SMAD5: variants seen among roughly 807,000 people sequenced by gnomAD.
The protein encoded by SMAD5 is MAD, mothers against decapentaplegic homolog 5.
Under a neutral mutation model 43.1 loss-of-function variants are expected in SMAD5, and 9 were observed. The ratio of observed to expected loss-of-function variants is 0.21; its 90% confidence interval spans 0.13 to 0.36. The LOEUF is 0.36. Ranked by LOEUF, SMAD5 falls within the 10% of genes least tolerant of loss-of-function variation. The pLI is 1.00. For synonymous variants in SMAD5, 190 were observed against 192.4 expected, an observed-to-expected ratio of 0.99 and a Z score of 0.10; for missense variants, 348 against 574.0, an observed-to-expected ratio of 0.61 and a Z score of 4.02.
chr5:136,162,191 G>A (rs1466557351), intron 4 of SMAD5, among the ~76,000 whole-genome samples: 1 of 152,190 alleles, frequency 6.6e-6, no homozygotes, highest in East Asian at 1.9e-4. Context: ...CACTGGGACT[G>A]TTTAGACATG....
Position 136,151,734 on chromosome 5 carries a change from TGAA to T in SMAD5, c.-169-1857_-169-1855del, listed in dbSNP as rs574733350. On this transcript the variant is annotated intron_variant, in intron 2 of 7. Transcript: ENST00000545279. ...GCCCCCCATTATATTCTAGTGTTCA[TGAA>T]TCAGTCAGCCAGGCCTGTCTCTTAT... 3.4e-3 allele frequency among the ~76,000 whole-genome samples: 516 copies of T among 152,180 alleles called. 7 individuals carry two copies. Among genetic ancestry groups the T allele is most frequent in the African/African-American group, 0.012 (480 of 41,526 alleles).
chr5:136,164,866 G>C (rs938213902), intron 5 of SMAD5, among the ~76,000 whole-genome samples: 5 of 152,128 alleles, frequency 3.3e-5, no homozygotes, highest in Non-Finnish European at 7.4e-5. Context: ...TATTAGGTCA[G>C]TGGTTCCTTT....
chr5:136,176,833 G>A (rs118088013), intron 7 of SMAD5, among the ~76,000 whole-genome samples: 1 of 152,002 alleles, frequency 6.6e-6, no homozygotes, highest in Non-Finnish European at 1.5e-5. Flanking sequence ...AGAGAAAATG[G>A]TATTTATAAA....
At chr5:136,165,055 A>G (rs1210510685) in intron 5 of SMAD5, among the ~76,000 whole-genome samples, 2 of 152,332 alleles carry the variant, frequency 1.3e-5, no homozygotes, top group African/African-American at 4.8e-5. Context: ...GTTGGCTTAC[A>G]TATCTATACC....
chr5:136,135,258 C>T (rs1752834859), intron 1 of SMAD5, among the ~76,000 whole-genome samples: 1 of 152,158 alleles, frequency 6.6e-6, no homozygotes. Flanking sequence ...TTAAAAGTTG[C>T]ATTCTGCAGC....
chr5:136,157,545 C>G (rs1249578979), intron 3 of SMAD5, among the ~76,000 whole-genome samples: 1 of 152,136 alleles, frequency 6.6e-6, no homozygotes, highest in Non-Finnish European at 1.5e-5. Context: ...TTACCTGCAG[C>G]TAGGTTGTCT....
chr5:136,154,041 G>A lies in SMAD5; in HGVS notation c.281G>A (p.Arg94His). ...LPHVIYCRVWRWPDLQSHHEL... is the reference protein window; with the variant it reads ...LPHVIYCRVWHWPDLQSHHEL... Reference sequence around the variant, plus strand: ...CATGTTATATATTGTCGTGTTTGGCGCTGGCCGGATTTGCAGAGTCATCAT... The same window carrying A: ...CATGTTATATATTGTCGTGTTTGGCACTGGCCGGATTTGCAGAGTCATCAT... The change falls in exon 3 of 8, where the codon CGC (arginine) becomes CAC (histidine). Residue 94 changes from arginine (R) to histidine (H), a missense_variant. Arg to His is a conservative substitution (Grantham distance 29). Coordinates refer to ENST00000545279, the MANE Select transcript of SMAD5 (RefSeq NM_005903.7). 4 of 1,606,836 alleles carry A rather than the reference G, an allele frequency of 2.5e-6. No individual in the cohort carries two copies. Among genetic ancestry groups the A allele is most frequent in the Non-Finnish European group, 2.5e-6 (3 of 1,177,188 alleles).
Position 136,177,573 on chromosome 5 carries a change from CAG to C in SMAD5, c.*95_*96del, listed in dbSNP as rs1234787584. 1.1e-6 allele frequency: 1 copy of C among 874,052 alleles called. No homozygotes were observed. Among genetic ancestry groups the C allele is most frequent in the Non-Finnish European group, 1.7e-6 (1 of 576,188 alleles). The allele number at this position is 874,052 out of a possible 1,614,324, so 54.1% of individuals were successfully genotyped here. On this transcript the variant is annotated 3_prime_UTR_variant, in exon 8 of 8. Coordinates refer to ENST00000545279, the MANE Select transcript of SMAD5 (RefSeq NM_005903.7). ...AGATACTGTGAGCTTACATTGAAAA[CAG>C]ATATTACAGCTTATTTTTTTCTACA...
At chr5:136,145,388 T>C (rs931901319) in intron 1 of SMAD5, among the ~76,000 whole-genome samples, 1 of 151,954 alleles carries the variant, frequency 6.6e-6, no homozygotes, top group Non-Finnish European at 1.5e-5. Flanking sequence ...AGTATCAAAA[T>C]TTGCAGGATG....
chr5:136,169,158 C>CT (rs938660896), intron 5 of SMAD5, among the ~76,000 whole-genome samples: 2 of 152,172 alleles, frequency 1.3e-5, no homozygotes, highest in African/African-American at 4.8e-5. Flanking sequence ...AACCACTAGT[C>CT]TAAGTCCAAG....
chr5:136,167,265 G>A (rs2149777444), intron 5 of SMAD5, among the ~76,000 whole-genome samples: 1 of 151,870 alleles, frequency 6.6e-6, no homozygotes, highest in East Asian at 1.9e-4. Flanking sequence ...CCTGTCTTTA[G>A]GAATGGGCCT....
At chr5:136,163,837 T>G (rs1291220444) in intron 5 of SMAD5, among the ~76,000 whole-genome samples, 1 of 152,206 alleles carries the variant, frequency 6.6e-6, no homozygotes, top group Non-Finnish European at 1.5e-5. Context: ...ATATATCACA[T>G]TTATTCACCA....
At chr5:136,136,878 A>G (rs2149757525) in intron 1 of SMAD5, among the ~76,000 whole-genome samples, 1 of 152,048 alleles carries the variant, frequency 6.6e-6, no homozygotes, top group South Asian at 2.1e-4. Flanking sequence ...TGAATTTTTA[A>G]TAGAGATGGA....
In SMAD5 at chr5:136,174,390, T is replaced by C; in HGVS notation, c.1012T>C (p.Tyr338His). The change falls in exon 7 of 8, where the codon TAT becomes CAT. Residue 338 changes from tyrosine to histidine, a missense_variant. Physicochemically the swap from Tyr to His is moderately conservative, Grantham distance 83. Around this residue, in one of 5 missense-constraint regions of SMAD5, gnomAD observed 97 missense variants for 211.8 expected, o/e 0.46. Transcript: ENST00000545279. ...RHIGKGVHLY[Y>H]VGGEVYAECL... ...GTCTTTTTAAGGTGTTCATCTGTAC[T>C]ATGTTGGTGGAGAGGTGTATGCGGA... 6.2e-7 allele frequency: 1 copy of C among 1,613,896 alleles called. No individual in the cohort carries two copies. Among genetic ancestry groups the C allele is most frequent in the Non-Finnish European group, 8.5e-7 (1 of 1,179,760 alleles).
chr5:136,178,084 A>T lies in SMAD5; in HGVS notation c.*604A>T, dbSNP rs911754819. 1 of 152,666 alleles carries T rather than the reference A, an allele frequency of 6.6e-6. No individual in the cohort carries two copies. The highest frequency in any genetic ancestry group is 1.5e-5 in the Non-Finnish European group (1 of 68,054). The allele number at this position is 152,666 out of a possible 1,614,324, so 9.5% of individuals were successfully genotyped here. On this transcript the variant is annotated 3_prime_UTR_variant, in exon 8 of 8. Transcript: ENST00000545279. ...TCTAGATGACATAAAATTTACATTT[A>T]ATACAGATAAGTGTTCTTCAGTGTA... is the stretch of plus-strand genomic sequence containing the variant.
At chr5:136,172,900 A>C (rs1481431360) in intron 6 of SMAD5, 3 of 490,338 alleles carry the variant, frequency 6.1e-6, no homozygotes, top group Non-Finnish European at 1.1e-5. Context: ...TTGTTTTTTG[A>C]GTGTTACCCT....
At chr5:136,163,230 G>T in intron 4 of SMAD5, 42 bp from the exon 5 acceptor site, 2 of 1,546,818 alleles carry the variant, frequency 1.3e-6, no homozygotes, top group South Asian at 1.2e-5. Flanking sequence ...TAATAATTTT[G>T]AGCAGAATGA....
rs1184418587 is a variant in SMAD5, at chr5:136,180,129, AT to A, written c.*2653del. 6.6e-5 allele frequency: 10 copies of A among 152,162 alleles called. No homozygotes were observed. The highest frequency in any genetic ancestry group is 1.3e-4 in the Non-Finnish European group (9 of 68,014). 9.4% of individuals were successfully genotyped at this position (152,162 alleles called of 1,614,324 possible). The stretch of plus-strand genomic sequence containing the variant: ...CCCCACCCTTGGACTTTAAATGAAA[AT>A]TTTATTCAGTCCAGCTATTCTTACA... On this transcript the variant is annotated 3_prime_UTR_variant, in exon 8 of 8. Transcript: ENST00000545279.
At chr5:136,152,906 TA>T (rs1214732529) in intron 2 of SMAD5, 41 of 152,292 alleles carry the variant, frequency 2.7e-4, no homozygotes, top group African/African-American at 9.6e-4. Context: ...TCACTTAAAA[TA>T]AGCCGATAGG....
Sources: allele counts gnomAD v4.1 joint callset (sites outside exome capture counted in the v4.1 genomes callset), GRCh38; gene constraint gnomAD v4.1.1; regional missense constraint gnomAD v4.1.1; transcripts MANE v1.5; gene names NCBI Gene and HGNC (gene_info 2026-07-23, HGNC 2026-07-21).